The following USP15 variants were observed in gnomAD, a reference collection of about 807,000 sequenced individuals.
USP15 encodes ubiquitin specific peptidase 15.
USP15 carries 18 observed loss-of-function variants against 127.1 expected under a neutral mutation model. That is an observed-to-expected ratio of 0.14 (90% CI 0.10 to 0.21). USP15 has a LOEUF of 0.21. Among genes scored for constraint, USP15 ranks in the 10% least tolerant of loss-of-function variants. The pLI is 1.00. For missense variants in USP15, 805 were observed against 1,159.9 expected (o/e 0.69, Z 4.44); for synonymous variants, 364 against 393.7 (o/e 0.92, Z 0.89).
rs191167004 is a variant in USP15, at chr12:62,388,288, G to A, written c.1474-1143G>A. On this transcript the variant is annotated intron_variant, in intron 11 of 21. Coordinates refer to ENST00000280377, the MANE Select transcript of USP15 (RefSeq NM_001252078.2). ...GCTGGGACTACAGGTGTGCGCCTCC[G>A]AGCCCAGCTAATTTTTTGTATTTTT... Among the ~76,000 whole-genome samples the A allele has an allele frequency of 3.3e-5, 5 of 151,784 alleles. No individual in the cohort carries two copies. In the East Asian group the frequency reaches 5.8e-4, roughly 18 times the overall value.
At chr12:62,295,806 T>C (rs1326167553) in intron 2 of USP15, among the ~76,000 whole-genome samples, 1 of 152,192 alleles carries the variant, frequency 6.6e-6, no homozygotes, top group Non-Finnish European at 1.5e-5. Flanking sequence ...TGGAACAAGA[T>C]AACACCAGGC....
chr12:62,303,098 G>A (rs2064364935), intron 3 of USP15, 178 bp downstream of exon 3: 1 of 595,574 alleles, frequency 1.7e-6, no homozygotes, highest in Admixed American at 3.1e-5. Context: ...ACTTATGCTA[G>A]CCACTATTGT....
intron 1 of USP15, among the ~76,000 whole-genome samples, chr12:62,272,117 C>G (rs1272751061): frequency 6.6e-6 from 1 of 151,288 alleles, no homozygotes; most frequent in Non-Finnish European, 1.5e-5. Flanking sequence ...GCCAGTATCT[C>G]CTTAGTGTTG....
At chr12:62,325,781 C>A in intron 5 of USP15, 91 bp from the exon 6 acceptor site, 2 of 1,046,514 alleles carry the variant, frequency 1.9e-6, no homozygotes, top group South Asian at 1.8e-5. Context: ...CACAGAGTTA[C>A]TTTAGTTTCT....
chr12:62,307,994 ATTG>A (rs1392926619), intron 3 of USP15, among the ~76,000 whole-genome samples: 3 of 152,096 alleles, frequency 2.0e-5, no homozygotes, highest in Non-Finnish European at 2.9e-5. Flanking sequence ...ATTATTAGCT[ATTG>A]TTAATCTCTT....
At chr12:62,361,494 C>T (rs907982981) in intron 8 of USP15, among the ~76,000 whole-genome samples, 10 of 151,916 alleles carry the variant, frequency 6.6e-5, no homozygotes, top group African/African-American at 1.4e-4. Context: ...GTTTTACTAT[C>T]CTGGCTAGGA....
chr12:62,394,764 G>A (rs2067432162), intron 19 of USP15, among the ~76,000 whole-genome samples: 2 of 151,694 alleles, frequency 1.3e-5, no homozygotes, highest in African/African-American at 4.8e-5. Flanking sequence ...CAGGGGAATC[G>A]CTTGAACCCA....
Position 62,355,378 on chromosome 12 carries a change from A to G in USP15, c.818A>G (p.Asn273Ser), listed in dbSNP as rs2066090047. The G allele has an allele frequency of 1.2e-6, 2 of 1,611,496 alleles. No individual in the cohort carries two copies. Among genetic ancestry groups the G allele is most frequent in the Admixed American group, 1.7e-5 (1 of 59,710 alleles). The change falls in exon 8 of 22, where the codon AAC becomes AGC. Residue 273 changes from asparagine to serine, a missense_variant. Physicochemically the swap from Asn to Ser is conservative, Grantham distance 46 (BLOSUM62 1). This residue lies in a region of USP15 where 84 missense variants were observed against 107.7 expected (regional missense o/e 0.78). Transcript: ENST00000280377. ...CTTCCATCATATACCGCTTATAAGA[A>G]CTATGATTATTCGGAACCTGGAAGA... is the stretch of plus-strand genomic sequence containing the variant. ...YCLPSYTAYK[N>S]YDYSEPGRNN... is the part of the protein sequence containing the mutation.
chr12:62,327,180 A>G (rs2137306700), intron 6 of USP15, among the ~76,000 whole-genome samples: 1 of 151,730 alleles, frequency 6.6e-6, no homozygotes, highest in South Asian at 2.1e-4. Context: ...TGTACCTTTT[A>G]TAAGTGGTTT....
Position 62,260,653 on chromosome 12 carries a change from T to C in USP15, c.89+150T>C, listed in dbSNP as rs555728866. ...CGGGATTTTGGCCGCTTCTGAAATG[T>C]TGGGGCAAAGGTTGGACTCTAGATG... On this transcript the variant is annotated intron_variant, in intron 1 of 21. Coordinates refer to ENST00000280377, the MANE Select transcript of USP15 (RefSeq NM_001252078.2). 3.3e-5 allele frequency: 24 copies of C among 718,166 alleles called. 1 individual carries two copies. In the African/African-American group the frequency reaches 3.9e-4, roughly 12 times the overall value. 44.5% of individuals were successfully genotyped at this position (718,166 alleles called of 1,614,324 possible).
At chr12:62,334,513 C>T (rs904942922) in intron 6 of USP15, among the ~76,000 whole-genome samples, 2 of 152,110 alleles carry the variant, frequency 1.3e-5, no homozygotes, top group African/African-American at 4.8e-5. Context: ...ATATAGGAAG[C>T]ATACAGTAAA....
chr12:62,334,488 A>C (rs1267293769), intron 6 of USP15, among the ~76,000 whole-genome samples: 4 of 152,172 alleles, frequency 2.6e-5, no homozygotes, highest in Non-Finnish European at 5.9e-5. Flanking sequence ...TTAAGTACCT[A>C]ACACCCTACC....
intron 6 of USP15, among the ~76,000 whole-genome samples, chr12:62,340,253 T>G (rs1091709): frequency 6.6e-6 from 1 of 152,154 alleles, no homozygotes; most frequent in Non-Finnish European, 1.5e-5. Flanking sequence ...ATTTTTATTG[T>G]GTCTATTTGA....
chr12:62,376,082 A>G (rs1367365114), intron 8 of USP15, among the ~76,000 whole-genome samples: 3 of 152,140 alleles, frequency 2.0e-5, no homozygotes, highest in African/African-American at 4.8e-5. Context: ...CAGTCATTAT[A>G]TCATGGTTAG....
intron 9 of USP15, among the ~76,000 whole-genome samples, chr12:62,383,211 C>A (rs1323316411): frequency 1.3e-5 from 2 of 151,876 alleles, no homozygotes; most frequent in Non-Finnish European, 2.9e-5. Context: ...ACTACTGAAC[C>A]ATTACTCCTA....
chr12:62,275,208 A>G (rs561924156), intron 1 of USP15, among the ~76,000 whole-genome samples: 32 of 152,120 alleles, frequency 2.1e-4, no homozygotes, highest in Non-Finnish European at 4.3e-4. Flanking sequence ...CCAAGTTGAC[A>G]TGGACTAATA....
intron 3 of USP15, among the ~76,000 whole-genome samples, chr12:62,312,085 C>G (rs1277937694): frequency 2.0e-5 from 3 of 151,546 alleles, no homozygotes; most frequent in Admixed American, 2.0e-4. Flanking sequence ...CTGTCTTCAC[C>G]GTTATCTGTT....
At chr12:62,319,516 A>C (rs558011191) in intron 4 of USP15, among the ~76,000 whole-genome samples, 1 of 152,324 alleles carries the variant, frequency 6.6e-6, no homozygotes, top group Admixed American at 6.5e-5. Context: ...TAGGTCACAG[A>C]AGTGTATATA....
At chr12:62,276,008 C>T (rs1207807111) in intron 1 of USP15, among the ~76,000 whole-genome samples, 1 of 152,008 alleles carries the variant, frequency 6.6e-6, no homozygotes, top group African/African-American at 2.4e-5. Context: ...TCTTCAGTCT[C>T]TATATCATTT....
Sources: gnomAD v4.1 joint callset for allele counts (sites outside exome capture counted in the v4.1 genomes callset) on GRCh38, gnomAD v4.1.1 for gene constraint, gnomAD v4.1.1 regional missense constraint, MANE v1.5 for transcripts, NCBI Gene and HGNC (gene_info 2026-07-23, HGNC 2026-07-21) for gene names.